Variants in SERPINA3 observed in about 807,000 individuals in gnomAD.
The protein encoded by SERPINA3 is alpha-1-antichymotrypsin.
SERPINA3 carries 32 observed loss-of-function variants against 26.8 expected under a neutral mutation model. That is an observed-to-expected ratio of 1.20 (90% CI 0.90 to 1.61). The LOEUF is 1.61. Ranked by LOEUF, SERPINA3 falls within the 40% of genes most tolerant of loss-of-function variation. SERPINA3 has a pLI of 0.00. For synonymous variants in SERPINA3, 252 were observed against 206.4 expected, an observed-to-expected ratio of 1.22 and a Z score of -1.89; for missense variants, 632 against 517.9, an observed-to-expected ratio of 1.22 and a Z score of -2.14.
chr14:94,615,527 G>C (rs1045764027), intron 2 of SERPINA3: 6 of 448,724 alleles, frequency 1.3e-5, no homozygotes, highest in Admixed American at 2.4e-5. Flanking sequence ...CCAGCCAGGG[G>C]CCTTGGTGTC....
chr14:94,616,829 G>C lies in SERPINA3; in HGVS notation c.643+1745G>C, dbSNP rs182371812. Among the ~76,000 whole-genome samples, 250 of 152,228 alleles carry C rather than the reference G, an allele frequency of 1.6e-3. 3 individuals are homozygous for C. The highest frequency in any genetic ancestry group is 5.9e-3 in the African/African-American group (243 of 41,536). Reference sequence around the variant, plus strand: ...AAGACACTAGACTAACCAGACATTCGGGCCCTCAGTTGAACAGCTGAGGAT... The same window carrying C: ...AAGACACTAGACTAACCAGACATTCCGGCCCTCAGTTGAACAGCTGAGGAT... On this transcript the variant is annotated intron_variant, in intron 2 of 4. Transcript: ENST00000393078.
chr14:94,615,704 A>G (rs1885969351), intron 2 of SERPINA3, among the ~76,000 whole-genome samples: 5 of 152,252 alleles, frequency 3.3e-5, no homozygotes. Flanking sequence ...CATTGTTCCC[A>G]TCTGGGGAAG....
chr14:94,618,442 C>G (rs1443780031), intron 2 of SERPINA3: 4 of 152,552 alleles, frequency 2.6e-5, no homozygotes, highest in Non-Finnish European at 5.9e-5. Context: ...ACAGTTGAAT[C>G]CTCAGCCTGA....
At chr14:94,623,587 T>G (rs765113634) in intron 4 of SERPINA3, 24 bp from the exon 5 acceptor site, 1 of 1,610,660 alleles carries the variant, frequency 6.2e-7, no homozygotes, top group South Asian at 1.1e-5. Context: ...GTTTCCCGTG[T>G]GTAATGTTCT....
chr14:94,615,142 G>A, intron 2 of SERPINA3, 58 bp downstream of exon 2: 1 of 1,587,328 alleles, frequency 6.3e-7, no homozygotes. Flanking sequence ...TTTCTGTCCT[G>A]ACTCAACAAT....
intron 2 of SERPINA3, among the ~76,000 whole-genome samples, chr14:94,616,419 T>G (rs1410710987): frequency 6.6e-6 from 1 of 152,222 alleles, no homozygotes; most frequent in East Asian, 1.9e-4. Context: ...CTGGTTTACA[T>G]ACAGTGTATG....
In SERPINA3 at chr14:94,623,662, G is replaced by A. The variant is rs1474392330; in HGVS notation, c.1120G>A (p.Ala374Thr). The change falls in exon 5 of 5, where the codon GCT becomes ACT. Residue 374 changes from alanine (A) to threonine (T), a missense_variant. Coordinates refer to ENST00000393078, the MANE Select transcript of SERPINA3 (RefSeq NM_001085.5). Reference protein sequence around the residue: ...DVFEEGTEASAATAVKITLLS... With the variant: ...DVFEEGTEASTATAVKITLLS... Reference sequence around the variant, plus strand: ...ATTTGAGGAGGGCACAGAAGCATCTGCTGCCACAGCAGTCAAAATCACCCT... The same window carrying A: ...ATTTGAGGAGGGCACAGAAGCATCTACTGCCACAGCAGTCAAAATCACCCT... 2 of 1,614,188 alleles carry A rather than the reference G, an allele frequency of 1.2e-6. No individual in the cohort carries two copies. Among genetic ancestry groups the A allele is most frequent in the East Asian group, 4.5e-5 (2 of 44,884 alleles).
intron 4 of SERPINA3, 137 bp downstream of exon 4, chr14:94,622,628 AC>A: frequency 2.1e-6 from 2 of 963,350 alleles, no homozygotes; most frequent in Non-Finnish European, 1.6e-6. Flanking sequence ...TGCTTGGGAC[AC>A]CCCCAAGCCA....
chr14:94,614,262 T>G, intron 1 of SERPINA3, 172 bp from the exon 2 acceptor site: 1 of 638,304 alleles, frequency 1.6e-6, no homozygotes, highest in Non-Finnish European at 2.8e-6. Flanking sequence ...AAGGGTGAAA[T>G]GAAGCAGAGT....
intron 1 of SERPINA3, among the ~76,000 whole-genome samples, chr14:94,612,974 G>C (rs1885840605): frequency 6.6e-6 from 1 of 152,148 alleles, no homozygotes; most frequent in African/African-American, 2.4e-5. Context: ...CAAACTGCTG[G>C]GAAACAGCCA....
intron 4 of SERPINA3, among the ~76,000 whole-genome samples, chr14:94,623,359 G>A (rs1315106007): frequency 6.6e-6 from 1 of 152,198 alleles, no homozygotes; most frequent in East Asian, 1.9e-4. Context: ...TGCATATGAG[G>A]TGCTCCATTC....
At chr14:94,620,885 T>C (rs1390951157) in intron 3 of SERPINA3, among the ~76,000 whole-genome samples, 1 of 152,100 alleles carries the variant, frequency 6.6e-6, no homozygotes, top group East Asian at 1.9e-4. Flanking sequence ...GCACCAGCCT[T>C]GGGTTCAGAC....
At position 94,614,559 on chromosome 14, in the gene SERPINA3, G is replaced by C; in HGVS notation, c.118G>C (p.Asp40His). ...DEENLTQENQDRGTHVDLGLA... is the reference protein window; with the variant it reads ...DEENLTQENQHRGTHVDLGLA... ...GGAGAATCTGACCCAGGAGAACCAA[G>C]ACCGAGGGACACACGTGGACCTCGG... The change falls in exon 2 of 5, where the codon GAC (aspartate) becomes CAC (histidine). Residue 40 changes from aspartate to histidine, a missense_variant. Physicochemically the swap from Asp to His is moderately conservative, Grantham distance 81. Coordinates refer to ENST00000393078, the MANE Select transcript of SERPINA3 (RefSeq NM_001085.5). The C allele has an allele frequency of 6.2e-7, 1 of 1,614,140 alleles. No homozygotes were observed. Among genetic ancestry groups the C allele is most frequent in the Non-Finnish European group, 8.5e-7 (1 of 1,180,026 alleles).
Position 94,623,625 on chromosome 14 carries a change from T to C in SERPINA3, c.1083T>C (p.Ala361=), listed in dbSNP as rs1886286328. 6.2e-7 allele frequency: 1 copy of C among 1,614,010 alleles called. No homozygotes were observed. Among genetic ancestry groups the C allele is most frequent in the Non-Finnish European group, 8.5e-7 (1 of 1,180,026 alleles). Residue 361 remains alanine (A), a synonymous_variant, in exon 5 of 5, where the codon GCT becomes GCC. Coordinates refer to ENST00000393078, the MANE Select transcript of SERPINA3 (RefSeq NM_001085.5). The stretch of plus-strand genomic sequence containing the variant: ...TGTCCCCACAGGTGGTCCATAAGGC[T>C]GTGCTTGATGTATTTGAGGAGGGCA... ...NLAVSQVVHK[A]VLDVFEEGTE... is the part of the protein sequence containing the mutation.
chr14:94,617,557 C>A (rs1225876332), intron 2 of SERPINA3: 2 of 152,212 alleles, frequency 1.3e-5, no homozygotes, highest in East Asian at 1.9e-4. Flanking sequence ...TTAATTCTCG[C>A]AGCGGCTCTG....
chr14:94,623,859 G>A lies in SERPINA3; in HGVS notation c.*45G>A. 1.3e-6 allele frequency: 2 copies of A among 1,559,110 alleles called. No homozygotes were observed. The highest frequency in any genetic ancestry group is 8.8e-7 in the Non-Finnish European group (1 of 1,132,332). On this transcript the variant is annotated 3_prime_UTR_variant, in exon 5 of 5. Transcript: ENST00000393078. The stretch of plus-strand genomic sequence containing the variant: ...GGGCTCTCAGTAAGGAACTTGGAAT[G>A]CAAGCTGGATGCCTGGGTCTCTGGG...
chr14:94,619,489 A>G (rs955581142), intron 3 of SERPINA3, 21 bp downstream of exon 3: 3 of 1,613,662 alleles, frequency 1.9e-6, no homozygotes, highest in Non-Finnish European at 2.5e-6. Context: ...CTGGCCCCCA[A>G]AGACCCCACA....
At position 94,619,283 on chromosome 14, in the gene SERPINA3, G is replaced by A; in HGVS notation, c.732G>A (p.Met244Ile). The A allele has an allele frequency of 6.2e-7, 1 of 1,614,192 alleles. No homozygotes were observed. The highest frequency in any genetic ancestry group is 8.5e-7 in the Non-Finnish European group (1 of 1,180,034). Residue 244 changes from methionine (M) to isoleucine (I), a missense_variant, in exon 3 of 5, where the codon ATG (methionine) becomes ATA (isoleucine). Transcript: ENST00000393078. ...AAAAGTGGGTAATGGTGCCCATGAT[G>A]AGTTTGCATCACCTGACTATACCTT... ...SKKKWVMVPM[M>I]SLHHLTIPYF...
chr14:94,614,941 C>A lies in SERPINA3; in HGVS notation c.500C>A (p.Ala167Asp). ...AGGCTGTATGGCTCCGAGGCCTTTG[C>A]CACTGACTTTCAGGACTCAGCTGCA... ...AKRLYGSEAF[A>D]TDFQDSAAAK... The change falls in exon 2 of 5, where the codon GCC becomes GAC. Residue 167 changes from alanine to aspartate, a missense_variant. Ala to Asp is a moderately radical substitution (Grantham distance 126, BLOSUM62 -2). Transcript: ENST00000393078. 6.2e-7 allele frequency: 1 copy of A among 1,613,328 alleles called. No individual in the cohort carries two copies. The highest frequency in any genetic ancestry group is 8.5e-7 in the Non-Finnish European group (1 of 1,179,232).
Sources: allele counts gnomAD v4.1 joint callset (sites outside exome capture counted in the v4.1 genomes callset), GRCh38; gene constraint gnomAD v4.1.1; transcripts MANE v1.5; gene names NCBI Gene and HGNC (gene_info 2026-07-23, HGNC 2026-07-21).